The following AK9 variants were observed in gnomAD, a reference collection of about 807,000 sequenced individuals.
AK9 encodes adenylate kinase domain containing 1.
A neutral mutation model predicts 239.6 loss-of-function variants in AK9; 191 were observed. The observed-to-expected ratio is 0.80, with a 90% CI of 0.71 to 0.90. AK9 has a LOEUF of 0.90. Ranked by LOEUF, AK9 falls within the 40% of genes least tolerant of loss-of-function variation. The pLI, the probability that AK9 is intolerant of heterozygous loss-of-function variation, is 0.00. For synonymous variants in AK9, 689 were observed against 721.0 expected, an observed-to-expected ratio of 0.96 and a Z score of 0.71; for missense variants, 1,995 against 2,214.7, an observed-to-expected ratio of 0.90 and a Z score of 1.99.
In AK9 at chr6:109,557,854, C is replaced by T. The variant is rs149319585; in HGVS notation, c.2751+5743G>A. Among the ~76,000 whole-genome samples, 84 of 152,256 alleles carry T rather than the reference C, an allele frequency of 5.5e-4. 1 individual carries two copies. The East Asian group carries it at 0.013, about 23-fold the overall frequency. ...GTGGTTGTACCAAGTTATATTCCCACGAGCAGTATATAAGAGTTCAAGTTA... is the reference window on the plus strand; with the variant it reads ...GTGGTTGTACCAAGTTATATTCCCATGAGCAGTATATAAGAGTTCAAGTTA... On this transcript the variant is annotated intron_variant, in intron 24 of 40. Transcript: ENST00000424296.
chr6:109,613,787 A>C (rs1793845759), intron 15 of AK9, among the ~76,000 whole-genome samples: 1 of 151,774 alleles, frequency 6.6e-6, no homozygotes, highest in Non-Finnish European at 1.5e-5. Flanking sequence ...TGAATAGAAA[A>C]ATTTTATAAG....
intron 3 of AK9, 48 bp from the exon 4 acceptor site, chr6:109,672,215 C>A: frequency 6.8e-7 from 1 of 1,474,442 alleles, no homozygotes; most frequent in South Asian, 1.2e-5. Context: ...TTAAGATCAC[C>A]AAAATAAGAA....
intron 8 of AK9, among the ~76,000 whole-genome samples, chr6:109,650,057 T>G (rs866619064): frequency 2.0e-5 from 3 of 152,224 alleles, no homozygotes; most frequent in Admixed American, 2.0e-4. Context: ...ACTGGATCTC[T>G]TCCTTACACC....
At chr6:109,526,558 T>G (rs532674163) in intron 29 of AK9, among the ~76,000 whole-genome samples, 1 of 152,114 alleles carries the variant, frequency 6.6e-6, no homozygotes, top group South Asian at 2.1e-4. Flanking sequence ...CAGAAGCTTG[T>G]GCCAGGAGAG....
chr6:109,567,652 A>G (rs1786760174), intron 21 of AK9, among the ~76,000 whole-genome samples: 1 of 145,232 alleles, frequency 6.9e-6, no homozygotes, highest in Non-Finnish European at 1.5e-5. Context: ...CAAACACCGC[A>G]TGTTTTCACT....
intron 1 of AK9, among the ~76,000 whole-genome samples, chr6:109,681,755 G>C (rs889119166): frequency 3.9e-5 from 6 of 152,124 alleles, no homozygotes; most frequent in African/African-American, 1.4e-4. Context: ...TCAGACCACA[G>C]TGCAATCAAA....
At chr6:109,610,541 T>A (rs750748251) in intron 16 of AK9, 28 bp from the exon 17 acceptor site, 1 of 1,540,498 alleles carries the variant, frequency 6.5e-7, no homozygotes, top group South Asian at 1.2e-5. Context: ...GATAAATTAA[T>A]GCCATTAATA....
intron 12 of AK9, chr6:109,631,872 C>T (rs1205126990): frequency 6.6e-6 from 1 of 152,140 alleles, no homozygotes; most frequent in Non-Finnish European, 1.5e-5. Flanking sequence ...AAGCCAGGCA[C>T]AAAGAAGATA....
intron 12 of AK9, chr6:109,631,781 C>T (rs1796108410): frequency 6.6e-6 from 1 of 152,070 alleles, no homozygotes. Context: ...CAACAGAATA[C>T]AATAAAACAA....
intron 1 of AK9, among the ~76,000 whole-genome samples, chr6:109,684,497 C>G (rs1773159979): frequency 6.6e-6 from 1 of 152,028 alleles, no homozygotes; most frequent in Non-Finnish European, 1.5e-5. Context: ...GCAATCTATC[C>G]CTCTGACAAA....
In AK9 at chr6:109,596,426, A is replaced by G. The variant is rs368304029; in HGVS notation, c.1843-10354T>C. On this transcript the variant is annotated intron_variant, in intron 17 of 40. Coordinates refer to ENST00000424296, the MANE Select transcript of AK9 (RefSeq NM_001145128.3). ...TGCCTGGGAAAAGAGGGGCAGCCCA[A>G]ACTCCTCATCCTCATCCTAGGGCAG... Among the ~76,000 whole-genome samples the G allele has an allele frequency of 1.3e-4, 20 of 152,300 alleles. No homozygotes were observed. The East Asian group carries it at 1.5e-3, about 12-fold the overall frequency.
chr6:109,610,966 GGTGTTTCAA>G lies in AK9; in HGVS notation c.1694-462_1694-454del, dbSNP rs200134553. Among the ~76,000 whole-genome samples, 3 of 152,186 alleles carry G rather than the reference GGTGTTTCAA, an allele frequency of 2.0e-5. No homozygotes were observed. The East Asian group carries it at 5.8e-4, about 29-fold the overall frequency. On this transcript the variant is annotated intron_variant, in intron 16 of 40. Coordinates refer to ENST00000424296, the MANE Select transcript of AK9 (RefSeq NM_001145128.3). Reference sequence around the variant, plus strand: ...GGATGGAGAAAAGGTGGCATAGCCTGGTGTTTCAAGTGTTACACTTGATTCTTGTCCTTT... The same window carrying G: ...GGATGGAGAAAAGGTGGCATAGCCTGGTGTTACACTTGATTCTTGTCCTTT...
chr6:109,526,776 C>T (rs949177529), intron 29 of AK9, among the ~76,000 whole-genome samples: 3 of 152,124 alleles, frequency 2.0e-5, no homozygotes, highest in African/African-American at 7.2e-5. Flanking sequence ...TGCTTTGAAT[C>T]TGTCTCCAAC....
At chr6:109,665,399 TA>T (rs1801041929) in intron 5 of AK9, among the ~76,000 whole-genome samples, 1 of 152,126 alleles carries the variant, frequency 6.6e-6, no homozygotes, top group Non-Finnish European at 1.5e-5. Flanking sequence ...AGTACATCCC[TA>T]AAAAAATGTA....
intron 17 of AK9, among the ~76,000 whole-genome samples, chr6:109,607,985 C>T: frequency 6.6e-6 from 1 of 151,926 alleles, no homozygotes; most frequent in East Asian, 1.9e-4. Context: ...TATTATAAAG[C>T]TACAGCAGGG....
At chr6:109,555,946 C>A (rs749592363) in intron 24 of AK9, among the ~76,000 whole-genome samples, 1 of 152,072 alleles carries the variant, frequency 6.6e-6, no homozygotes, top group Non-Finnish European at 1.5e-5. Context: ...ACCAATAGAT[C>A]GTGGTTCTTT....
chr6:109,498,916 G>C (rs754512745), intron 36 of AK9, 128 bp downstream of exon 36: 13 of 730,310 alleles, frequency 1.8e-5, no homozygotes, highest in Non-Finnish European at 2.7e-5. Context: ...ACTGGTCCCA[G>C]AGTCACAAGT....
chr6:109,629,418 C>A (rs896613932), intron 12 of AK9, among the ~76,000 whole-genome samples: 10 of 152,034 alleles, frequency 6.6e-5, no homozygotes, highest in Admixed American at 6.6e-4. Context: ...ATTGGTGATA[C>A]ACATTTGTTT....
intron 5 of AK9, among the ~76,000 whole-genome samples, chr6:109,669,484 C>G (rs1801761731): frequency 2.6e-5 from 4 of 152,082 alleles, no homozygotes; most frequent in Admixed American, 2.6e-4. Flanking sequence ...AAAAGGAATG[C>G]TTCCAGTTTT....
Sources: gnomAD v4.1 joint callset for allele counts (sites outside exome capture counted in the v4.1 genomes callset) on GRCh38, gnomAD v4.1.1 for gene constraint, MANE v1.5 for transcripts, NCBI Gene and HGNC (gene_info 2026-07-23, HGNC 2026-07-21) for gene names.